Variants in TRAPPC10 observed in about 807,000 individuals in gnomAD.
The protein encoded by TRAPPC10 is trafficking protein particle complex subunit 10, also known as TRAPP 130 kDa subunit.
Under a neutral mutation model 125.5 loss-of-function variants are expected in TRAPPC10, and 23 were observed. That is an observed-to-expected ratio of 0.18 (90% CI 0.13 to 0.26). TRAPPC10 has a LOEUF of 0.26. TRAPPC10 is among the 10% of genes least tolerant of loss of function. The pLI is 1.00. For synonymous variants in TRAPPC10, 509 were observed against 518.0 expected (o/e 0.98, Z 0.24); for missense variants, 1,123 against 1,308.4 (o/e 0.86, Z 2.19).
rs945307334 is a variant in TRAPPC10, at chr21:44,059,473, T to C, written c.790+259T>C. On this transcript the variant is annotated intron_variant, in intron 6 of 22. Coordinates refer to ENST00000291574, the MANE Select transcript of TRAPPC10 (RefSeq NM_003274.5). The surrounding 1 kb of genome is among the most constrained non-coding windows in gnomAD (Gnocchi z 4.4). ...AAAAAACTGTTTTCCAGGTATAAAA[T>C]GTCCTTTCCACAACTCAGTGGCCTG... The C allele has an allele frequency of 2.7e-6, 2 of 748,442 alleles. No individual in the cohort carries two copies. Among genetic ancestry groups the C allele is most frequent in the Non-Finnish European group, 5.0e-6 (2 of 401,204 alleles). The allele number at this position is 748,442 out of a possible 1,614,324, so 46.4% of individuals were successfully genotyped here.
rs1415722282 is a variant in TRAPPC10 at position 44,082,829 on chromosome 21, C to T, written c.1765C>T (p.Arg589Ter). ...VLPMHSFAQL[R>*]DLHFDPSNAV... ...ACCCATGCATTCCTTTGCACAACTGCGAGATCTCCATTTTGATCCCTCCAA... is the reference window on the plus strand; with the variant it reads ...ACCCATGCATTCCTTTGCACAACTGTGAGATCTCCATTTTGATCCCTCCAA... The change falls in exon 14 of 23, where the codon CGA becomes TGA. Residue 589 changes from arginine (R) to a stop codon, truncating the protein, a stop_gained. Coordinates refer to ENST00000291574, the MANE Select transcript of TRAPPC10 (RefSeq NM_003274.5). LOFTEE classifies it high-confidence loss of function. The surrounding 1 kb of genome is among the most constrained non-coding windows in gnomAD (Gnocchi z 4.4). 6.2e-7 allele frequency: 1 copy of T among 1,614,034 alleles called. No individual in the cohort carries two copies. Among genetic ancestry groups the T allele is most frequent in the Non-Finnish European group, 8.5e-7 (1 of 1,180,014 alleles).
chr21:44,014,285 A>G, intron 1 of TRAPPC10, among the ~76,000 whole-genome samples: 1 of 152,124 alleles, frequency 6.6e-6, no homozygotes, highest in Admixed American at 6.6e-5. Context: ...ACATGCGTGC[A>G]TCACGGACAG....
chr21:44,081,308 A>G lies in TRAPPC10; in HGVS notation c.1723+1181A>G, dbSNP rs551206709. 5.3e-5 allele frequency among the ~76,000 whole-genome samples: 8 copies of G among 152,110 alleles called. No homozygotes were observed. In the South Asian group the frequency reaches 1.7e-3, roughly 32 times the overall value. ...CCTGTGTAGCTTGGACTACAGGAGC[A>G]TACCACCATGCCTGGCTAATTTTTG... On this transcript the variant is annotated intron_variant, in intron 13 of 22. Coordinates refer to ENST00000291574, the MANE Select transcript of TRAPPC10 (RefSeq NM_003274.5).
At chr21:44,015,097 C>G (rs535496034) in intron 1 of TRAPPC10, among the ~76,000 whole-genome samples, 9 of 152,206 alleles carry the variant, frequency 5.9e-5, no homozygotes, top group Non-Finnish European at 1.2e-4. Flanking sequence ...GTACATAGTT[C>G]TCTTAGTAGG....
intron 2 of TRAPPC10, among the ~76,000 whole-genome samples, chr21:44,033,872 TAAAAA>T (rs367623360): frequency 5.3e-4 from 81 of 151,992 alleles, no homozygotes; most frequent in African/African-American, 1.9e-3. Flanking sequence ...AAAAAATAAA[TAAAAA>T]GAAACTGTGT....
Position 44,076,568 on chromosome 21 carries a change from T to C in TRAPPC10, c.1317T>C (p.Ser439=). Residue 439 remains serine (S), a synonymous_variant, in exon 10 of 23, where the codon AGT becomes AGC. Transcript: ENST00000291574. The stretch of plus-strand genomic sequence containing the variant: ...CTGTTTAAGCCAACACAGCTCAGAG[T>C]CCTTATAAGAAACTGAAAGAAGCAT... ...ERPETANTAQ[S]PYKKLKEALS... is the part of the protein sequence containing the mutation. 1.2e-6 allele frequency: 2 copies of C among 1,614,050 alleles called. No homozygotes were observed. Among genetic ancestry groups the C allele is most frequent in the Non-Finnish European group, 1.7e-6 (2 of 1,179,970 alleles).
At chr21:44,043,001 G>A (rs1436509414) in intron 3 of TRAPPC10, among the ~76,000 whole-genome samples, 1 of 151,844 alleles carries the variant, frequency 6.6e-6, no homozygotes, top group African/African-American at 2.4e-5. Flanking sequence ...ATATATATTA[G>A]GAGCTCTGGG....
Position 44,012,613 on chromosome 21 carries a change from C to T in TRAPPC10, c.67+53C>T, listed in dbSNP as rs1238888883. On this transcript the variant is annotated intron_variant, in intron 1 of 22. Coordinates refer to ENST00000291574, the MANE Select transcript of TRAPPC10 (RefSeq NM_003274.5). Reference sequence around the variant, plus strand: ...GGCGGTCGTTGGGCGGGCCCGGGCCCTGGCGTTATGCACCCGGCGCCCCCA... The same window carrying T: ...GGCGGTCGTTGGGCGGGCCCGGGCCTTGGCGTTATGCACCCGGCGCCCCCA... 3.3e-5 allele frequency: 48 copies of T among 1,475,790 alleles called. No individual in the cohort carries two copies. In the East Asian group the frequency reaches 1.2e-3, roughly 37 times the overall value. The allele number at this position is 1,475,790 out of a possible 1,614,324, so 91.4% of individuals were successfully genotyped here.
chr21:44,026,494 A>G (rs992631219), intron 1 of TRAPPC10, among the ~76,000 whole-genome samples: 1 of 152,230 alleles, frequency 6.6e-6, no homozygotes, highest in Non-Finnish European at 1.5e-5. Flanking sequence ...AGAGAAATGA[A>G]TGTATGGCCT....
In TRAPPC10 at chr21:44,063,926, T is replaced by A. The variant is rs75273948; in HGVS notation, c.1038+141T>A. The A allele has an allele frequency of 1.7e-5, 21 of 1,215,972 alleles. No homozygotes were observed. The highest frequency in any genetic ancestry group is 5.2e-5 in the Admixed American group (2 of 38,706). 75.3% of individuals were successfully genotyped at this position (1,215,972 alleles called of 1,614,324 possible). On this transcript the variant is annotated intron_variant, in intron 7 of 22. Coordinates refer to ENST00000291574, the MANE Select transcript of TRAPPC10 (RefSeq NM_003274.5). This position sits in a 1 kb window ranked among gnomAD's most constrained non-coding sequence, Gnocchi z 4.4. ...AATGCCTTTAATTTTCAGTATATTG[T>A]TTGCTTAGTTACTTTTTACGTTGAT...
At chr21:44,070,631 A>G (rs948979946) in intron 7 of TRAPPC10, among the ~76,000 whole-genome samples, 1 of 152,244 alleles carries the variant, frequency 6.6e-6, no homozygotes, top group East Asian at 1.9e-4. Flanking sequence ...TTTAGGAGCA[A>G]GGGGCTGACA....
chr21:44,034,742 C>A (rs2033861970), intron 2 of TRAPPC10, among the ~76,000 whole-genome samples: 1 of 152,012 alleles, frequency 6.6e-6, no homozygotes, highest in Non-Finnish European at 1.5e-5. Flanking sequence ...TAGGGTAGAC[C>A]CTGAATCCAA....
chr21:44,038,120 C>T (rs1285123283), intron 3 of TRAPPC10, among the ~76,000 whole-genome samples, 193 bp downstream of exon 3: 1 of 152,124 alleles, frequency 6.6e-6, no homozygotes, highest in Admixed American at 6.5e-5. Context: ...TGGGTCTAGG[C>T]TTTGTTGAGC....
intron 13 of TRAPPC10, 145 bp downstream of exon 13, chr21:44,080,272 CTTTT>C: frequency 1.7e-6 from 1 of 604,806 alleles, no homozygotes; most frequent in Non-Finnish European, 2.7e-6. Context: ...TTTCACCTGA[CTTTT>C]TTTTTTATTT....
chr21:44,029,430 C>A (rs186006831), intron 1 of TRAPPC10, among the ~76,000 whole-genome samples: 1 of 152,268 alleles, frequency 6.6e-6, no homozygotes, highest in Non-Finnish European at 1.5e-5. Context: ...TTCTCCATAC[C>A]CCATTTTCAA....
chr21:44,071,085 A>C (rs1014792728), intron 7 of TRAPPC10, among the ~76,000 whole-genome samples: 2 of 152,256 alleles, frequency 1.3e-5, no homozygotes, highest in Non-Finnish European at 2.9e-5. Context: ...GCAAGGTTGA[A>C]TCTTAAAGAT....
rs139022739 is a variant in TRAPPC10, at chr21:44,059,901, G to T, written c.790+687G>T. The stretch of plus-strand genomic sequence containing the variant: ...ATTCCTGGCTTGATTCCATTACCTG[G>T]TGTTGGACATTGGGTTCTTTTATGC... On this transcript the variant is annotated intron_variant, in intron 6 of 22. Coordinates refer to ENST00000291574, the MANE Select transcript of TRAPPC10 (RefSeq NM_003274.5). The surrounding 1 kb of genome is among the most constrained non-coding windows in gnomAD (Gnocchi z 4.4). 638 of 184,910 alleles carry T rather than the reference G, an allele frequency of 3.5e-3. 3 individuals are homozygous for T. Among genetic ancestry groups the T allele is most frequent in the African/African-American group, 0.014 (597 of 42,596 alleles). The allele number at this position is 184,910 out of a possible 1,614,324, so 11.5% of individuals were successfully genotyped here. A position where few individuals can be genotyped will look rare whatever the true frequency, so the allele number is the denominator to read the frequency against.
chr21:44,056,422 C>T (rs1387384476), intron 5 of TRAPPC10, among the ~76,000 whole-genome samples: 1 of 152,056 alleles, frequency 6.6e-6, no homozygotes. Flanking sequence ...CTCACGGTGG[C>T]CCCCCAAGAT....
intron 20 of TRAPPC10, among the ~76,000 whole-genome samples, chr21:44,094,907 TC>T (rs1338550567): frequency 6.6e-6 from 1 of 152,050 alleles, no homozygotes; most frequent in Non-Finnish European, 1.5e-5. Flanking sequence ...TCTATCTTCT[TC>T]CATCCAAGAC....
Sources: allele counts gnomAD v4.1 joint callset (sites outside exome capture counted in the v4.1 genomes callset), GRCh38; gene constraint gnomAD v4.1.1; non-coding constraint Gnocchi (gnomAD v3.1); transcripts MANE v1.5; gene names NCBI Gene and HGNC (gene_info 2026-07-23, HGNC 2026-07-21).